Variants in TBC1D22A observed in about 807,000 individuals in gnomAD.
The protein encoded by TBC1D22A is TBC1 domain family member 22A.
Under a neutral mutation model 60.2 loss-of-function variants are expected in TBC1D22A, and 38 were observed. The observed-to-expected ratio is 0.63, with a 90% CI of 0.49 to 0.83. The LOEUF (loss-of-function observed/expected upper bound fraction) is 0.83. Among genes scored for constraint, TBC1D22A ranks in the 40% least tolerant of loss-of-function variants. The pLI is 0.00. For missense variants in TBC1D22A, 628 were observed against 701.0 expected (o/e 0.90, Z 1.18); for synonymous variants, 302 against 281.7 (o/e 1.07, Z -0.72).
chr22:47,103,801 C>T (rs561623110), intron 11 of TBC1D22A, among the ~76,000 whole-genome samples: 47 of 152,132 alleles, frequency 3.1e-4, no homozygotes, highest in African/African-American at 1.1e-3. Flanking sequence ...TCCTGTTTAA[C>T]GGGTCTGGAG....
intron 11 of TBC1D22A, among the ~76,000 whole-genome samples, chr22:47,080,290 A>G (rs1322822010): frequency 6.6e-6 from 1 of 152,248 alleles, no homozygotes; most frequent in Non-Finnish European, 1.5e-5. Flanking sequence ...TGACATTTAT[A>G]GAATACTACA....
intron 4 of TBC1D22A, among the ~76,000 whole-genome samples, chr22:46,871,391 T>A (rs2067286787): frequency 6.6e-6 from 1 of 152,240 alleles, no homozygotes; most frequent in African/African-American, 2.4e-5. Context: ...AAATACCGCA[T>A]CTACTAACTG....
chr22:46,786,314 T>C (rs370952395), intron 1 of TBC1D22A, among the ~76,000 whole-genome samples: 5 of 152,376 alleles, frequency 3.3e-5, no homozygotes, highest in African/African-American at 1.2e-4. Flanking sequence ...TGTATTGCAC[T>C]AATTGATTTT....
At chr22:46,961,691 C>G (rs913902375) in intron 8 of TBC1D22A, among the ~76,000 whole-genome samples, 3 of 152,192 alleles carry the variant, frequency 2.0e-5, no homozygotes, top group Admixed American at 2.0e-4. Flanking sequence ...TGAACCCAGA[C>G]TTTCCATTCA....
intron 12 of TBC1D22A, among the ~76,000 whole-genome samples, chr22:47,164,740 G>T (rs191198756): frequency 1.5e-4 from 23 of 152,188 alleles, no homozygotes; most frequent in Non-Finnish European, 2.6e-4. Context: ...GGGTCGCTCC[G>T]CTGGCAGCGC....
At chr22:47,059,345 A>G (rs2063496804) in intron 11 of TBC1D22A, among the ~76,000 whole-genome samples, 1 of 152,264 alleles carries the variant, frequency 6.6e-6, no homozygotes, top group Admixed American at 6.5e-5. Flanking sequence ...AGGTGCAGAC[A>G]GGAGGGCGTT....
At position 47,060,303 on chromosome 22, in the gene TBC1D22A, A is replaced by G. The variant is rs561336596; in HGVS notation, c.1329+23105A>G. 1.4e-4 allele frequency among the ~76,000 whole-genome samples: 20 copies of G among 141,236 alleles called. No homozygotes were observed. In the East Asian group the frequency reaches 1.6e-3, roughly 12 times the overall value. The allele number at this position is 141,236 out of a possible 152,430, so 92.7% of individuals were successfully genotyped here. Reference sequence around the variant, plus strand: ...GTTGCCCAGGCTGGAGTGCAATGGCATGATCTCGGCTCACTGCAACCTCTG... The same window carrying G: ...GTTGCCCAGGCTGGAGTGCAATGGCGTGATCTCGGCTCACTGCAACCTCTG... On this transcript the variant is annotated intron_variant, in intron 11 of 12. Transcript: ENST00000337137.
chr22:47,113,919 A>C (rs536310014), intron 12 of TBC1D22A, among the ~76,000 whole-genome samples: 1 of 152,250 alleles, frequency 6.6e-6, no homozygotes, highest in African/African-American at 2.4e-5. Context: ...TTGGGTGGGC[A>C]GTGGGCCTCC....
intron 9 of TBC1D22A, among the ~76,000 whole-genome samples, chr22:46,985,184 C>T (rs1376048075): frequency 1.3e-5 from 2 of 152,206 alleles, no homozygotes; most frequent in Non-Finnish European, 2.9e-5. Flanking sequence ...TCCAGCTGAG[C>T]TCTGATTTGG....
intron 7 of TBC1D22A, among the ~76,000 whole-genome samples, chr22:46,900,806 A>G (rs1030115822): frequency 1.3e-5 from 2 of 152,126 alleles, no homozygotes; most frequent in African/African-American, 4.8e-5. Flanking sequence ...CGGACACTGG[A>G]GTTCTTTCTA....
intron 3 of TBC1D22A, among the ~76,000 whole-genome samples, chr22:46,795,985 G>T (rs1242867539): frequency 1.3e-5 from 2 of 152,202 alleles, no homozygotes; most frequent in African/African-American, 4.8e-5. Context: ...CCTCTGCTCA[G>T]GTGCTGGTTC....
intron 11 of TBC1D22A, among the ~76,000 whole-genome samples, chr22:47,042,432 A>C (rs201345135): frequency 4.7e-5 from 1 of 21,490 alleles, no homozygotes; most frequent in East Asian, 0.019. Context: ...AAGAGAGAGG[A>C]GAGAGAGAGA....
intron 12 of TBC1D22A, among the ~76,000 whole-genome samples, chr22:47,172,563 T>G (rs2068524570): frequency 6.6e-6 from 1 of 152,246 alleles, no homozygotes; most frequent in Non-Finnish European, 1.5e-5. Flanking sequence ...ACCTCCTATC[T>G]TTACCTATGA....
chr22:47,084,250 G>C (rs1029914163), intron 11 of TBC1D22A, among the ~76,000 whole-genome samples: 1 of 152,188 alleles, frequency 6.6e-6, no homozygotes, highest in Non-Finnish European at 1.5e-5. Flanking sequence ...TGTGGCCGGC[G>C]GCTACAGTAT....
chr22:47,148,532 C>A (rs908673889), intron 12 of TBC1D22A, among the ~76,000 whole-genome samples: 5 of 151,648 alleles, frequency 3.3e-5, no homozygotes, highest in Non-Finnish European at 7.4e-5. Flanking sequence ...TGAACAGAGT[C>A]CCCTCCCTGG....
chr22:46,770,393 G>A (rs2083443755), intron 1 of TBC1D22A, among the ~76,000 whole-genome samples: 2 of 152,248 alleles, frequency 1.3e-5, no homozygotes, highest in African/African-American at 4.8e-5. Flanking sequence ...TCAGTGTGAT[G>A]AGACCCATGC....
intron 9 of TBC1D22A, among the ~76,000 whole-genome samples, chr22:46,988,273 A>G (rs1238358815): frequency 6.6e-6 from 1 of 152,200 alleles, no homozygotes; most frequent in Admixed American, 6.5e-5. Flanking sequence ...CACGAATGTT[A>G]GAATCAACTT....
At chr22:46,918,134 A>G (rs1038317457) in intron 8 of TBC1D22A, among the ~76,000 whole-genome samples, 45 of 152,356 alleles carry the variant, frequency 3.0e-4, no homozygotes, top group African/African-American at 9.6e-4. Flanking sequence ...CAGGTATGGA[A>G]CGCAGTAAGT....
intron 7 of TBC1D22A, among the ~76,000 whole-genome samples, chr22:46,907,983 G>T (rs998093607): frequency 6.6e-6 from 1 of 152,322 alleles, no homozygotes; most frequent in Admixed American, 6.5e-5. Flanking sequence ...CCTGGTGAGA[G>T]AGCACCCATT....
Sources: gnomAD v4.1 joint callset for allele counts (sites outside exome capture counted in the v4.1 genomes callset) on GRCh38, gnomAD v4.1.1 for gene constraint, MANE v1.5 for transcripts, NCBI Gene and HGNC (gene_info 2026-07-23, HGNC 2026-07-21) for gene names.